The following ATP1A1 variants were observed in gnomAD, a reference collection of about 807,000 sequenced individuals.
The protein encoded by ATP1A1 is sodium/potassium-transporting ATPase subunit alpha-1.
ATP1A1 carries 14 observed loss-of-function variants against 114.8 expected under a neutral mutation model. The observed-to-expected ratio is 0.12, with a 90% CI of 0.08 to 0.19. The LOEUF (loss-of-function observed/expected upper bound fraction) is 0.19. Among genes scored for constraint, ATP1A1 ranks in the 10% least tolerant of loss-of-function variants. ATP1A1 has a pLI of 1.00. For missense variants in ATP1A1, 524 were observed against 1,290.7 expected, an observed-to-expected ratio of 0.41 and a Z score of 9.10; for synonymous variants, 471 against 466.3, an observed-to-expected ratio of 1.01 and a Z score of -0.13.
intron 21 of ATP1A1, among the ~76,000 whole-genome samples, chr1:116,403,427 C>G (rs540552761): frequency 4.6e-5 from 7 of 152,314 alleles, no homozygotes; most frequent in Non-Finnish European, 8.8e-5. Flanking sequence ...TGTCAGAGAT[C>G]AAATTTGGGG....
At chr1:116,386,198 G>A (rs41375647) in intron 3 of ATP1A1, 4,675 of 138,012 alleles carry the variant, frequency 0.034, 267 homozygotes, top group African/African-American at 0.12. Flanking sequence ...CTTGACACAA[G>A]CACTTTAAGC....
rs1261044515 is a variant in ATP1A1 at position 116,388,554 on chromosome 1, T to C, written c.502-84T>C. 15 of 1,484,290 alleles carry C rather than the reference T, an allele frequency of 1.0e-5. No individual in the cohort carries two copies. The highest frequency in any genetic ancestry group is 1.4e-5 in the Non-Finnish European group (15 of 1,094,316). 91.9% of individuals were successfully genotyped at this position (1,484,290 alleles called of 1,614,324 possible). On this transcript the variant is annotated intron_variant, in intron 5 of 22. Transcript: ENST00000295598. The surrounding 1 kb of genome is among the most constrained non-coding windows in gnomAD (Gnocchi z 5.6). ...TTGTTTTGTATTCAGGTAATTAGGA[T>C]TATGACTATTTTTATTTTCTTGTTT...
At chr1:116,394,816 T>TA (rs1264327892) in intron 12 of ATP1A1, among the ~76,000 whole-genome samples, 1 of 152,192 alleles carries the variant, frequency 6.6e-6, no homozygotes, top group Non-Finnish European at 1.5e-5. Flanking sequence ...AGAACCCTAA[T>TA]ATCCTGGTGC....
At chr1:116,391,687 T>G (rs927521313) in intron 10 of ATP1A1, among the ~76,000 whole-genome samples, 1 of 152,200 alleles carries the variant, frequency 6.6e-6, no homozygotes, top group African/African-American at 2.4e-5. Context: ...GCAAAGGAGA[T>G]TTTCTTGGCA....
intron 21 of ATP1A1, among the ~76,000 whole-genome samples, chr1:116,402,336 C>T (rs1653558286): frequency 6.6e-6 from 1 of 152,216 alleles, no homozygotes; most frequent in Non-Finnish European, 1.5e-5. Flanking sequence ...TTAAAACGTG[C>T]AAAGCCACAG....
Position 116,393,775 on chromosome 1 carries a change from C to T in ATP1A1, c.1660+52C>T. ...GCCTGGGCACGTTTTTATCCAGTAA[C>T]CTAGTCTGGTAGACAGTTAACAAGT... On this transcript the variant is annotated intron_variant, in intron 12 of 22. Coordinates refer to ENST00000295598, the MANE Select transcript of ATP1A1 (RefSeq NM_000701.8). This position sits in a 1 kb window ranked among gnomAD's most constrained non-coding sequence, Gnocchi z 5.0. The T allele has an allele frequency of 1.3e-6, 2 of 1,544,004 alleles. No homozygotes were observed. The highest frequency in any genetic ancestry group is 1.8e-6 in the Non-Finnish European group (2 of 1,135,586).
In ATP1A1 at chr1:116,385,099, G is replaced by T. The variant is rs553472530; in HGVS notation, c.183+257G>T. 54 of 426,238 alleles carry T rather than the reference G, an allele frequency of 1.3e-4. 1 individual carries two copies. The South Asian group carries it at 1.4e-3, about 11-fold the overall frequency. 26.4% of individuals were successfully genotyped at this position (426,238 alleles called of 1,614,324 possible). On this transcript the variant is annotated intron_variant, in intron 3 of 22. Transcript: ENST00000295598. This position sits in a 1 kb window ranked among gnomAD's most constrained non-coding sequence, Gnocchi z 4.3. ...GAGAGCCAGTAAGTGGGAACACCAG[G>T]ACTTGCAGTTGGCTTCAAAGCCATG...
Position 116,399,693 on chromosome 1 carries a change from C to G in ATP1A1, c.2572+150C>G. 8.9e-7 allele frequency: 1 copy of G among 1,123,550 alleles called. No individual in the cohort carries two copies. The highest frequency in any genetic ancestry group is 1.2e-6 in the Non-Finnish European group (1 of 813,126). The allele number at this position is 1,123,550 out of a possible 1,614,324, so 69.6% of individuals were successfully genotyped here. A position where few individuals can be genotyped will look rare whatever the true frequency, so the allele number is the denominator to read the frequency against. On this transcript the variant is annotated intron_variant, in intron 18 of 22. Coordinates refer to ENST00000295598, the MANE Select transcript of ATP1A1 (RefSeq NM_000701.8). This position sits in a 1 kb window ranked among gnomAD's most constrained non-coding sequence, Gnocchi z 5.0. ...CTAACGGAGTGAGCCTGTGGAGTTT[C>G]TCTGAACTCTCTTCCATGTGAGAAT...
At chr1:116,373,891 G>A (rs1651169060) in intron 1 of ATP1A1, 2 of 1,301,670 alleles carry the variant, frequency 1.5e-6, no homozygotes, top group African/African-American at 1.6e-5. Context: ...CCCCGGGACT[G>A]AGCCGGCATC....
rs11808075 is a variant in ATP1A1 at position 116,396,950 on chromosome 1, A to C, written c.1973+216A>C. Among the ~76,000 whole-genome samples the C allele has an allele frequency of 0.034, 5,200 of 152,302 alleles. 290 individuals carry two copies. The highest frequency in any genetic ancestry group is 0.12 in the African/African-American group (4,929 of 41,538). On this transcript the variant is annotated intron_variant, in intron 14 of 22. Coordinates refer to ENST00000295598, the MANE Select transcript of ATP1A1 (RefSeq NM_000701.8). ...CTTAGATGGTATTTACTGTTCTAAGAGCTTGATATGGTGACCTATTATTTG... is the reference window on the plus strand; with the variant it reads ...CTTAGATGGTATTTACTGTTCTAAGCGCTTGATATGGTGACCTATTATTTG...
In ATP1A1 at chr1:116,398,573, G is replaced by A. The variant is rs368077371; in HGVS notation, c.2125-48G>A. 90 of 1,586,464 alleles carry A rather than the reference G, an allele frequency of 5.7e-5. No individual in the cohort carries two copies. The highest frequency in any genetic ancestry group is 1.7e-4 in the Middle Eastern group (1 of 5,932). ...GGGCATGCATCGCACTATTTCCATC[G>A]CTAGGAAAAGTGATTGGTATTAACC... On this transcript the variant is annotated intron_variant, in intron 15 of 22. Transcript: ENST00000295598. The surrounding 1 kb of genome is among the most constrained non-coding windows in gnomAD (Gnocchi z 6.1).
chr1:116,392,207 A>G (rs1570961725), intron 10 of ATP1A1: 1 of 152,246 alleles, frequency 6.6e-6, no homozygotes, highest in Non-Finnish European at 1.5e-5. Flanking sequence ...ATCATAGAAA[A>G]TATGTGTGTC....
chr1:116,390,233 C>G lies in ATP1A1; in HGVS notation c.1044C>G (p.Ala348=), dbSNP rs778056808. 2.5e-6 allele frequency: 4 copies of G among 1,614,012 alleles called. No individual in the cohort carries two copies. Among genetic ancestry groups the G allele is most frequent in the East Asian group, 4.5e-5 (2 of 44,890 alleles). The part of the protein sequence containing the change: ...ATVTVCLTLT[A]KRMARKNCLV... ...TTTAGGTCTGTCTGACACTTACTGCCAAACGCATGGCAAGGAAAAACTGCT... is the reference window on the plus strand; with the variant it reads ...TTTAGGTCTGTCTGACACTTACTGCGAAACGCATGGCAAGGAAAAACTGCT... Residue 348 remains alanine, a synonymous_variant, in exon 9 of 23, where the codon GCC becomes GCG. Transcript: ENST00000295598.
rs1570975540 is a variant in ATP1A1 at position 116,399,051 on chromosome 1, C to T, written c.2415C>T (p.Val805=). 1 of 1,614,042 alleles carries T rather than the reference C, an allele frequency of 6.2e-7. No individual in the cohort carries two copies. The highest frequency in any genetic ancestry group is 1.3e-5 in the African/African-American group (1 of 74,912). Residue 805 remains valine, a synonymous_variant, in exon 17 of 23, where the codon GTC becomes GTT. Transcript: ENST00000295598. The surrounding 1 kb of genome is among the most constrained non-coding windows in gnomAD (Gnocchi z 5.0). ...ACATTCCACTACCACTGGGGACTGT[C>T]ACCATCCTCTGCATTGACTTGGGCA... is the stretch of plus-strand genomic sequence containing the variant. ...IANIPLPLGT[V]TILCIDLGTD... is the part of the protein sequence containing the mutation.
In ATP1A1 at chr1:116,388,308, A is replaced by T; in HGVS notation, c.501+64A>T. 1 of 1,348,974 alleles carries T rather than the reference A, an allele frequency of 7.4e-7. No homozygotes were observed. Among genetic ancestry groups the T allele is most frequent in the Non-Finnish European group, 1.1e-6 (1 of 943,876 alleles). 83.6% of individuals were successfully genotyped at this position (1,348,974 alleles called of 1,614,324 possible). ...CAGCCCCAAGCATGTCAGCCTGTGA[A>T]TTAGTGTGAAGTTAAGGTTTTCCAA... On this transcript the variant is annotated intron_variant, in intron 5 of 22. Coordinates refer to ENST00000295598, the MANE Select transcript of ATP1A1 (RefSeq NM_000701.8). The surrounding 1 kb of genome is among the most constrained non-coding windows in gnomAD (Gnocchi z 5.6).
At position 116,390,356 on chromosome 1, in the gene ATP1A1, C is replaced by T. The variant is rs761520176; in HGVS notation, c.1167C>T (p.Ala389=). 6.2e-7 allele frequency: 1 copy of T among 1,614,060 alleles called. No individual in the cohort carries two copies. The highest frequency in any genetic ancestry group is 1.1e-5 in the South Asian group (1 of 91,074). Residue 389 remains alanine, a synonymous_variant, in exon 9 of 23, where the codon GCC becomes GCT. Coordinates refer to ENST00000295598, the MANE Select transcript of ATP1A1 (RefSeq NM_000701.8). ...TGACTCAGAACCGGATGACAGTGGC[C>T]CACATGTGGTTTGACAATCAAATCC... ...GTLTQNRMTV[A]HMWFDNQIHE...
rs368322747 is a variant in ATP1A1 at position 116,381,285 on chromosome 1, A to C, written c.13-2729A>C. ...AAACATTGTCCTACCTGATTCTACC[A>C]CTGTTCATCTCACGCAGTGTGCACT... On this transcript the variant is annotated intron_variant, in intron 1 of 22. Coordinates refer to ENST00000295598, the MANE Select transcript of ATP1A1 (RefSeq NM_000701.8). This position sits in a 1 kb window ranked among gnomAD's most constrained non-coding sequence, Gnocchi z 5.1. 1.7e-4 allele frequency among the ~76,000 whole-genome samples: 26 copies of C among 152,260 alleles called. 1 individual carries two copies. In the East Asian group the frequency reaches 3.1e-3, roughly 18 times the overall value.
At chr1:116,373,920 C>G (rs1570936740) in intron 1 of ATP1A1, 12 of 1,312,428 alleles carry the variant, frequency 9.1e-6, no homozygotes, top group Non-Finnish European at 1.1e-5. Flanking sequence ...TGGCTCCCCT[C>G]CCTGCGACCG....
At chr1:116,390,914 G>T in intron 10 of ATP1A1, 23 bp downstream of exon 10, 1 of 1,590,248 alleles carries the variant, frequency 6.3e-7, no homozygotes, top group Non-Finnish European at 8.6e-7. Context: ...GTTAACTAAT[G>T]GAGGGATGTA....
Sources: gnomAD v4.1 joint callset for allele counts (sites outside exome capture counted in the v4.1 genomes callset) on GRCh38, gnomAD v4.1.1 for gene constraint, Gnocchi (gnomAD v3.1) non-coding constraint, MANE v1.5 for transcripts, NCBI Gene and HGNC (gene_info 2026-07-23, HGNC 2026-07-21) for gene names.